The following ADNP variants were observed in gnomAD, a reference collection of about 807,000 sequenced individuals.
ADNP encodes activity dependent neuroprotector homeobox.
A neutral mutation model predicts 84.9 loss-of-function variants in ADNP; 4 were observed. That is an observed-to-expected ratio of 0.05 (90% CI 0.02 to 0.11). The LOEUF (loss-of-function observed/expected upper bound fraction) is 0.11. Among genes scored for constraint, ADNP ranks in the 10% least tolerant of loss-of-function variants. ADNP has a pLI of 1.00. For missense variants in ADNP, 1,132 were observed against 1,326.0 expected, an observed-to-expected ratio of 0.85 and a Z score of 2.27; for synonymous variants, 554 against 468.1, an observed-to-expected ratio of 1.18 and a Z score of -2.37.
At chr20:50,923,408 G>T (rs1008529792) in intron 2 of ADNP, among the ~76,000 whole-genome samples, 1 of 152,198 alleles carries the variant, frequency 6.6e-6, no homozygotes, top group Non-Finnish European at 1.5e-5. Flanking sequence ...AGGCTTCACC[G>T]AAGGTAGCTT....
rs759526947 is a variant in ADNP, at chr20:50,891,468, A to G, written c.3246T>C (p.Asp1082=). 4 of 1,612,852 alleles carry G rather than the reference A, an allele frequency of 2.5e-6. No individual in the cohort carries two copies. Among genetic ancestry groups the G allele is most frequent in the Non-Finnish European group, 3.4e-6 (4 of 1,180,018 alleles). Residue 1082 remains aspartate, a synonymous_variant, in exon 6 of 6, where the codon GAT becomes GAC. Coordinates refer to ENST00000621696, the MANE Select transcript of ADNP (RefSeq NM_001282531.3). ...EDGEQFDNMT[D]GVAEPMHGSL... ...TGCCATGCATGGGCTCAGCTACTCC[A>G]TCAGTCATGTTGTCAAACTGTTCCC...
Position 50,902,126 on chromosome 20 carries a change from T to C in ADNP, c.109-17A>G, listed in dbSNP as rs1982044209. 1 of 1,564,536 alleles carries C rather than the reference T, an allele frequency of 6.4e-7. No individual in the cohort carries two copies. Among genetic ancestry groups the C allele is most frequent in the Non-Finnish European group, 8.8e-7 (1 of 1,135,302 alleles). ...TTTAAAATCCTAGAAAACAGTGAAA[T>C]AAGTTTACAAAAACATAGTGGTATA... On this transcript the variant is annotated splice_polypyrimidine_tract_variant and intron_variant, in intron 4 of 5. Transcript: ENST00000621696.
chr20:50,897,394 A>G (rs1981516356), intron 5 of ADNP, among the ~76,000 whole-genome samples: 1 of 150,846 alleles, frequency 6.6e-6, no homozygotes, highest in Non-Finnish European at 1.5e-5. Flanking sequence ...ACAGCTCCTC[A>G]CCAGTCAATT....
intron 2 of ADNP, among the ~76,000 whole-genome samples, chr20:50,925,843 A>G (rs1984256546): frequency 6.6e-6 from 1 of 152,226 alleles, no homozygotes; most frequent in African/African-American, 2.4e-5. Context: ...GCTCACGCCT[A>G]TAATCCCAGC....
Position 50,903,849 on chromosome 20 carries a change from G to A in ADNP, c.108+40C>T, listed in dbSNP as rs755805520. On this transcript the variant is annotated intron_variant, in intron 4 of 5. Coordinates refer to ENST00000621696, the MANE Select transcript of ADNP (RefSeq NM_001282531.3). ...ACTGACACAAAGTAATGGATCAGAA[G>A]CTGAGTCATGTTAAAATTTAAAAAT... 6 of 1,463,792 alleles carry A rather than the reference G, an allele frequency of 4.1e-6. No homozygotes were observed. In the South Asian group the frequency reaches 5.9e-5, roughly 14 times the overall value. 90.7% of individuals were successfully genotyped at this position (1,463,792 alleles called of 1,614,324 possible).
chr20:50,892,854 C>G lies in ADNP; in HGVS notation c.1860G>C (p.Gly620=). 3 of 1,614,216 alleles carry G rather than the reference C, an allele frequency of 1.9e-6. No individual in the cohort carries two copies. Among genetic ancestry groups the G allele is most frequent in the Middle Eastern group, 1.6e-4 (1 of 6,062 alleles). ...AAAAGCAAAGAGGACAAAGGGTTTT[C>G]CCAACATCTTTTTTATAGGGCACTG... ...QAAVPYKKDV[G]KTLCPLCFSI... is the part of the protein sequence containing the mutation. Residue 620 remains glycine, a synonymous_variant, in exon 6 of 6, where the codon GGG becomes GGC. Coordinates refer to ENST00000621696, the MANE Select transcript of ADNP (RefSeq NM_001282531.3).
chr20:50,892,484 C>T lies in ADNP; in HGVS notation c.2230G>A (p.Glu744Lys). 1 of 1,614,210 alleles carries T rather than the reference C, an allele frequency of 6.2e-7. No individual in the cohort carries two copies. The highest frequency in any genetic ancestry group is 8.5e-7 in the Non-Finnish European group (1 of 1,180,042). The change falls in exon 6 of 6, where the codon GAG becomes AAG. Residue 744 changes from glutamate to lysine, a missense_variant. Physicochemically the swap from Glu to Lys is moderately conservative, Grantham distance 56 (BLOSUM62 1). Coordinates refer to ENST00000621696, the MANE Select transcript of ADNP (RefSeq NM_001282531.3). ...DDSDSPSFFE[E>K]KPEEPVVLAL... Reference sequence around the variant, plus strand: ...AAAACAACAGGCTCTTCAGGCTTCTCTTCAAAGAAGCTGGGTGAATCACTA... The same window carrying T: ...AAAACAACAGGCTCTTCAGGCTTCTTTTCAAAGAAGCTGGGTGAATCACTA...
At chr20:50,922,793 G>C (rs752954896) in intron 2 of ADNP, among the ~76,000 whole-genome samples, 1 of 152,010 alleles carries the variant, frequency 6.6e-6, no homozygotes, top group Non-Finnish European at 1.5e-5. Flanking sequence ...ACGATGGCCA[G>C]GCTGGTCTCA....
Position 50,893,703 on chromosome 20 carries a change from T to A in ADNP, c.1011A>T (p.Val337=). ...LQQNNYGVKS[V]GQGYSVGQSM... ...ACTGACCAACACTGTAACCCTGGCCTACAGATTTGACTCCATAGTTGTTCT... is the reference window on the plus strand; with the variant it reads ...ACTGACCAACACTGTAACCCTGGCCAACAGATTTGACTCCATAGTTGTTCT... The change falls in exon 6 of 6, where the codon GTA becomes GTT. Residue 337 remains valine (V), a synonymous_variant. Transcript: ENST00000621696. This position sits in a 1 kb window ranked among gnomAD's most constrained non-coding sequence, Gnocchi z 4.4. 6.2e-7 allele frequency: 1 copy of A among 1,614,140 alleles called. No homozygotes were observed.
chr20:50,899,610 T>C (rs555379790), intron 5 of ADNP, among the ~76,000 whole-genome samples: 35 of 152,050 alleles, frequency 2.3e-4, no homozygotes, highest in African/African-American at 8.4e-4. Flanking sequence ...CTTCAGGAGG[T>C]ATCTAGAAGA....
intron 2 of ADNP, among the ~76,000 whole-genome samples, chr20:50,911,819 C>G (rs572090743): frequency 2.0e-5 from 3 of 152,160 alleles, no homozygotes; most frequent in Admixed American, 2.0e-4. Context: ...CCAGCTACCT[C>G]TGAACAGGCA....
intron 2 of ADNP, chr20:50,914,271 G>A: frequency 1.4e-6 from 1 of 704,292 alleles, no homozygotes; most frequent in Non-Finnish European, 2.6e-6. Context: ...TCTGTGATAA[G>A]AGTGGAAGAA....
intron 2 of ADNP, chr20:50,905,602 C>T (rs1982396894): frequency 6.6e-6 from 1 of 152,198 alleles, no homozygotes; most frequent in South Asian, 2.1e-4. Context: ...TTAGAAGTCT[C>T]AAAATATTCT....
In ADNP at chr20:50,893,514, A is replaced by G. The variant is rs756000258; in HGVS notation, c.1200T>C (p.Ser400=). 4.3e-6 allele frequency: 7 copies of G among 1,613,780 alleles called. No individual in the cohort carries two copies. The Admixed American group carries it at 6.7e-5, about 15-fold the overall frequency. Residue 400 remains serine (S), a synonymous_variant, in exon 6 of 6, where the codon TCT becomes TCC. Transcript: ENST00000621696. The surrounding 1 kb of genome is among the most constrained non-coding windows in gnomAD (Gnocchi z 4.4). The part of the protein sequence containing the change: ...ARYSLQSANA[S]SLSSGQLKSP... The stretch of plus-strand genomic sequence containing the variant: ...ACTTTAACTGGCCCGATGAGAGAGA[A>G]GAGGCATTAGCAGACTGCAGGGAGT...
intron 3 of ADNP, chr20:50,904,468 T>C (rs1259589033): frequency 6.5e-6 from 1 of 154,516 alleles, no homozygotes; most frequent in Admixed American, 6.4e-5. Context: ...TCCTCCTGCC[T>C]TGGCACCCCA....
At chr20:50,905,038 T>C (rs542123430) in intron 2 of ADNP, 189 bp from the exon 3 acceptor site, 1 of 152,114 alleles carries the variant, frequency 6.6e-6, no homozygotes, top group Non-Finnish European at 1.5e-5. Context: ...AGGGTACTTT[T>C]GAAAAAAATG....
chr20:50,925,295 A>G (rs1240623380), intron 2 of ADNP, among the ~76,000 whole-genome samples: 1 of 112,738 alleles, frequency 8.9e-6, no homozygotes, highest in Non-Finnish European at 1.9e-5. Flanking sequence ...CACACACTAC[A>G]TAATCAAGTT....
At chr20:50,911,299 G>C (rs186185400) in intron 2 of ADNP, among the ~76,000 whole-genome samples, 1 of 152,276 alleles carries the variant, frequency 6.6e-6, no homozygotes, top group African/African-American at 2.4e-5. Context: ...CAATGTCCAT[G>C]AGAGTTTCCC....
At chr20:50,903,288 T>C (rs1176853858) in intron 4 of ADNP, among the ~76,000 whole-genome samples, 1 of 152,174 alleles carries the variant, frequency 6.6e-6, no homozygotes, top group Non-Finnish European at 1.5e-5. Context: ...AGAGCTGTTA[T>C]AAAGCTCATA....
Sources: allele counts gnomAD v4.1 joint callset (sites outside exome capture counted in the v4.1 genomes callset), GRCh38; gene constraint gnomAD v4.1.1; non-coding constraint Gnocchi (gnomAD v3.1); transcripts MANE v1.5; gene names NCBI Gene and HGNC (gene_info 2026-07-23, HGNC 2026-07-21).